KCNQ5: variants seen among roughly 807,000 people sequenced by gnomAD.
The protein encoded by KCNQ5 is potassium voltage-gated channel subfamily Q member 5.
In KCNQ5, 30 loss-of-function variants were observed where a neutral mutation model predicts 98.2. That is an observed-to-expected ratio of 0.31 (90% CI 0.23 to 0.41). The LOEUF is 0.41. Among genes scored for constraint, KCNQ5 ranks in the 10% least tolerant of loss-of-function variants. The pLI, the probability that KCNQ5 is intolerant of heterozygous loss-of-function variation, is 1.00. For missense variants in KCNQ5, 835 were observed against 1,182.5 expected, an observed-to-expected ratio of 0.71 and a Z score of 4.31; for synonymous variants, 458 against 449.4, an observed-to-expected ratio of 1.02 and a Z score of -0.24.
intron 10 of KCNQ5, among the ~76,000 whole-genome samples, chr6:73,169,432 T>C (rs754336935): frequency 2.6e-5 from 4 of 152,252 alleles, no homozygotes; most frequent in Non-Finnish European, 4.4e-5. Context: ...AGCTGGCTGT[T>C]AGTTTCCAAG....
intron 1 of KCNQ5, among the ~76,000 whole-genome samples, chr6:72,744,950 G>A (rs1246769695): frequency 6.6e-6 from 1 of 152,166 alleles, no homozygotes; most frequent in African/African-American, 2.4e-5. Context: ...AGCCTGGAAT[G>A]GATATGGATT....
chr6:72,787,652 G>GT (rs1773824975), intron 1 of KCNQ5, among the ~76,000 whole-genome samples: 1 of 152,210 alleles, frequency 6.6e-6, no homozygotes, highest in African/African-American at 2.4e-5. Context: ...AGTAACTTGA[G>GT]TACCCGTCCT....
At chr6:72,866,312 C>A (rs999180371) in intron 1 of KCNQ5, among the ~76,000 whole-genome samples, 2 of 144,176 alleles carry the variant, frequency 1.4e-5, no homozygotes, top group Admixed American at 1.4e-4. Context: ...TGAAGTGCAG[C>A]GGTGTGATCT....
At chr6:72,807,445 C>A (rs1016179753) in intron 1 of KCNQ5, among the ~76,000 whole-genome samples, 25 of 152,210 alleles carry the variant, frequency 1.6e-4, no homozygotes, top group African/African-American at 5.8e-4. Context: ...TCAACAGCAT[C>A]TTTTACTGTT....
intron 10 of KCNQ5, among the ~76,000 whole-genome samples, chr6:73,161,345 G>A (rs1371296442): frequency 3.9e-5 from 6 of 152,310 alleles, no homozygotes; most frequent in African/African-American, 1.2e-4. Context: ...ATGAAGAGAG[G>A]TTAATTAATG....
At chr6:73,050,753 C>T (rs747300789) in intron 3 of KCNQ5, among the ~76,000 whole-genome samples, 30 of 152,184 alleles carry the variant, frequency 2.0e-4, no homozygotes, top group Non-Finnish European at 3.2e-4. Context: ...TCTCTTCAAT[C>T]CTAACCTCTG....
Position 72,622,101 on chromosome 6 carries a change from G to T in KCNQ5, c.-89G>T, listed in dbSNP as rs1247007723. Reference sequence around the variant, plus strand: ...CTGGCGGGCGCCCCGTCGGCCGCCGGCTTCCTCCTTGAAACCCGCCGGCGC... The same window carrying T: ...CTGGCGGGCGCCCCGTCGGCCGCCGTCTTCCTCCTTGAAACCCGCCGGCGC... On this transcript the variant is annotated 5_prime_UTR_variant, in exon 1 of 14. Coordinates refer to ENST00000370398, the MANE Select transcript of KCNQ5 (RefSeq NM_019842.4). This position sits in a 1 kb window ranked among gnomAD's most constrained non-coding sequence, Gnocchi z 6.0. 1.7e-6 allele frequency: 2 copies of T among 1,150,002 alleles called. No homozygotes were observed. The highest frequency in any genetic ancestry group is 2.2e-6 in the Non-Finnish European group (2 of 920,886). The allele number at this position is 1,150,002 out of a possible 1,614,324, so 71.2% of individuals were successfully genotyped here.
intron 1 of KCNQ5, among the ~76,000 whole-genome samples, chr6:72,840,010 T>A (rs900730088): frequency 2.6e-5 from 4 of 152,202 alleles, no homozygotes; most frequent in Non-Finnish European, 4.4e-5. Context: ...CTATTTCCCT[T>A]CCCTCCCAAC....
At chr6:73,069,134 G>A (rs1397210268) in intron 3 of KCNQ5, among the ~76,000 whole-genome samples, 2 of 151,990 alleles carry the variant, frequency 1.3e-5, no homozygotes, top group African/African-American at 4.8e-5. Context: ...ATTAGTCATT[G>A]TTTCTTCTTC....
chr6:73,192,759 T>C, intron 13 of KCNQ5, 68 bp downstream of exon 13: 1 of 1,272,828 alleles, frequency 7.9e-7, no homozygotes, highest in Non-Finnish European at 1.1e-6. Flanking sequence ...TTATAGGCAA[T>C]TGTATGTATT....
intron 1 of KCNQ5, among the ~76,000 whole-genome samples, chr6:72,866,882 T>G (rs1014508432): frequency 1.3e-5 from 2 of 152,228 alleles, no homozygotes; most frequent in East Asian, 3.9e-4. Flanking sequence ...TTTGGAAAAC[T>G]ACATGAACTT....
intron 1 of KCNQ5, among the ~76,000 whole-genome samples, chr6:72,815,331 G>GT (rs1471871011): frequency 6.6e-6 from 1 of 152,110 alleles, no homozygotes; most frequent in Non-Finnish European, 1.5e-5. Context: ...TATAAGTATC[G>GT]TAAGACAGGT....
chr6:72,716,380 C>A (rs1344788099), intron 1 of KCNQ5, among the ~76,000 whole-genome samples: 2 of 152,152 alleles, frequency 1.3e-5, no homozygotes, highest in Admixed American at 6.6e-5. Context: ...AAATGAATTA[C>A]CATATTAGCA....
At chr6:72,900,836 G>C (rs1779472334) in intron 1 of KCNQ5, among the ~76,000 whole-genome samples, 1 of 151,600 alleles carries the variant, frequency 6.6e-6, no homozygotes, top group Non-Finnish European at 1.5e-5. Context: ...ATTTTTTTAT[G>C]GCCATTCTTG....
intron 3 of KCNQ5, among the ~76,000 whole-genome samples, chr6:73,075,431 C>T (rs1773493197): frequency 1.3e-5 from 2 of 152,102 alleles, no homozygotes; most frequent in Non-Finnish European, 1.5e-5. Context: ...CCATGTTGGC[C>T]AGGATGGTCT....
intron 2 of KCNQ5, among the ~76,000 whole-genome samples, chr6:73,010,608 T>C (rs1346855907): frequency 6.6e-6 from 1 of 150,576 alleles, no homozygotes; most frequent in East Asian, 1.9e-4. Context: ...ATACAGATGA[T>C]GTGATCTTAT....
intron 1 of KCNQ5, among the ~76,000 whole-genome samples, chr6:72,988,536 A>G (rs1056870109): frequency 6.6e-6 from 1 of 152,202 alleles, no homozygotes; most frequent in African/African-American, 2.4e-5. Context: ...CGTAGGTCAA[A>G]AAACTACCTA....
intron 1 of KCNQ5, among the ~76,000 whole-genome samples, chr6:72,780,333 C>G (rs1214187549): frequency 6.6e-6 from 1 of 152,140 alleles, no homozygotes; most frequent in Non-Finnish European, 1.5e-5. Context: ...TTTTGCTTAG[C>G]CTGAGAAAAC....
chr6:72,887,190 A>G (rs1778879367), intron 1 of KCNQ5, among the ~76,000 whole-genome samples: 1 of 152,202 alleles, frequency 6.6e-6, no homozygotes, highest in East Asian at 1.9e-4. Context: ...GAGACTAGAA[A>G]GAAAAAGATG....
Sources: allele counts gnomAD v4.1 joint callset (sites outside exome capture counted in the v4.1 genomes callset), GRCh38; gene constraint gnomAD v4.1.1; non-coding constraint Gnocchi (gnomAD v3.1); transcripts MANE v1.5; gene names NCBI Gene and HGNC (gene_info 2026-07-23, HGNC 2026-07-21).